RYR2: variants seen among roughly 807,000 people sequenced by gnomAD.
RYR2 encodes the protein cardiac muscle ryanodine receptor-calcium release channel.
Under a neutral mutation model 601.1 loss-of-function variants are expected in RYR2, and 227 were observed. The observed-to-expected ratio is 0.38, with a 90% confidence interval of 0.34 to 0.42. The LOEUF (loss-of-function observed/expected upper bound fraction) is 0.42, where lower values mean the gene tolerates loss of function less well. RYR2 is among the 10% of genes least tolerant of loss of function. The pLI is 1.00. For synonymous variants in RYR2, 2,223 were observed against 2,175.1 expected (o/e 1.02, Z -0.61); for missense variants, 4,646 against 6,156.5 (o/e 0.75, Z 8.21).
intron 1 of RYR2, among the ~76,000 whole-genome samples, chr1:237,087,264 G>A (rs1309837387): frequency 6.6e-6 from 1 of 152,034 alleles, no homozygotes; most frequent in Non-Finnish European, 1.5e-5. Flanking sequence ...ACTGGGCTTG[G>A]TTTTCGTGTG....
At chr1:237,648,300 T>C (rs1264034015) in intron 48 of RYR2, 144 bp from the exon 49 acceptor site, 4 of 710,094 alleles carry the variant, frequency 5.6e-6, no homozygotes, top group Non-Finnish European at 8.7e-6. Context: ...CAAACTCCCA[T>C]AATAGCTTGA....
rs191719856 is a variant in RYR2, at chr1:237,043,452, C to A, written c.48+883C>A. Among the ~76,000 whole-genome samples, 9 of 152,324 alleles carry A rather than the reference C, an allele frequency of 5.9e-5. No homozygotes were observed. In the East Asian group the frequency reaches 1.7e-3, roughly 29 times the overall value. On this transcript the variant is annotated intron_variant, in intron 1 of 104. Coordinates refer to ENST00000366574, the MANE Select transcript of RYR2 (RefSeq NM_001035.3). ...AGGTTGGCTCCACACTAATACAATT[C>A]TTTCTCCTTAAGTACCTCTTGGCAC...
chr1:237,309,598 G>A (rs112042491), intron 2 of RYR2, among the ~76,000 whole-genome samples: 29 of 152,348 alleles, frequency 1.9e-4, no homozygotes, highest in East Asian at 9.7e-4. Flanking sequence ...GGCCGCAGGC[G>A]GAGCTGCCAC....
chr1:237,407,627 TTTA>T (rs1471769205), intron 10 of RYR2, among the ~76,000 whole-genome samples: 1,243 of 115,850 alleles, frequency 0.011, 28 homozygotes, highest in African/African-American at 0.035. Flanking sequence ...TTTTTTTTTT[TTTA>T]AATTGAGACG....
chr1:237,638,628 C>A, intron 45 of RYR2, 136 bp downstream of exon 45: 1 of 933,180 alleles, frequency 1.1e-6, no homozygotes, highest in South Asian at 1.8e-5. Flanking sequence ...AGGGGTTTTT[C>A]ACAGTAACCA....
chr1:237,287,010 G>A (rs1290737688), intron 2 of RYR2, among the ~76,000 whole-genome samples: 2 of 152,168 alleles, frequency 1.3e-5, no homozygotes, highest in Non-Finnish European at 2.9e-5. Context: ...TTGTAGTGGT[G>A]GCTTGGTGAT....
intron 10 of RYR2, among the ~76,000 whole-genome samples, chr1:237,388,553 A>G (rs1326920818): frequency 2.0e-5 from 3 of 152,208 alleles, no homozygotes; most frequent in Admixed American, 2.0e-4. Flanking sequence ...TTTTGAAGTC[A>G]GAGTTCTCAA....
chr1:237,401,069 C>A (rs1182882202), intron 10 of RYR2, among the ~76,000 whole-genome samples: 1 of 152,162 alleles, frequency 6.6e-6, no homozygotes, highest in Non-Finnish European at 1.5e-5. Context: ...TATTAATTGC[C>A]ATTTGGGATT....
At chr1:237,318,594 T>G (rs1695323499) in intron 2 of RYR2, among the ~76,000 whole-genome samples, 1 of 152,202 alleles carries the variant, frequency 6.6e-6, no homozygotes, top group South Asian at 2.1e-4. Flanking sequence ...GATTCTTGAT[T>G]GAAAGGTTTT....
At chr1:237,157,163 G>A (rs535810581) in intron 1 of RYR2, among the ~76,000 whole-genome samples, 86 of 151,984 alleles carry the variant, frequency 5.7e-4, no homozygotes, top group African/African-American at 1.9e-3. Context: ...GGGTGTGGTG[G>A]TGTGTACCTG....
chr1:237,513,260 A>G lies in RYR2; in HGVS notation c.2822+1469A>G, dbSNP rs1319608909. 1.3e-5 allele frequency among the ~76,000 whole-genome samples: 2 copies of G among 152,202 alleles called. 1 individual carries two copies. Among genetic ancestry groups the G allele is most frequent in the Non-Finnish European group, 2.9e-5 (2 of 68,040 alleles). On this transcript the variant is annotated intron_variant, in intron 24 of 104. Coordinates refer to ENST00000366574, the MANE Select transcript of RYR2 (RefSeq NM_001035.3). ...AAAAGTAAAGAGAATATTTTTGCAA[A>G]GCCAGTAACTTTACTCTTGTCCTCC... is the stretch of plus-strand genomic sequence containing the variant.
At chr1:237,421,231 T>C (rs1705538303) in intron 11 of RYR2, among the ~76,000 whole-genome samples, 1 of 152,190 alleles carries the variant, frequency 6.6e-6, no homozygotes, top group African/African-American at 2.4e-5. Flanking sequence ...AGAGCGAGAC[T>C]CCGTCTCAAA....
chr1:237,627,864 T>C lies in RYR2; in HGVS notation c.6224T>C (p.Ile2075Thr), dbSNP rs768147116. ...TMVRWAQESV[I>T]EDPELVRAMF... Reference sequence around the variant, plus strand: ...GTCCGATGGGCTCAGGAGTCTGTCATTGAAGACCCCGAGCTGGTGAGGGCC... The same window carrying C: ...GTCCGATGGGCTCAGGAGTCTGTCACTGAAGACCCCGAGCTGGTGAGGGCC... Residue 2075 changes from isoleucine (I) to threonine (T), a missense_variant, in exon 41 of 105, where the codon ATT (isoleucine) becomes ACT (threonine). This residue lies in a region of RYR2 where 170 missense variants were observed against 184.5 expected (regional missense o/e 0.92). Transcript: ENST00000366574. 7 of 1,613,544 alleles carry C rather than the reference T, an allele frequency of 4.3e-6. No homozygotes were observed. Among genetic ancestry groups the C allele is most frequent in the Middle Eastern group, 1.6e-4 (1 of 6,084 alleles).
intron 92 of RYR2, among the ~76,000 whole-genome samples, chr1:237,789,504 T>TTAGG: frequency 1.4e-5 from 1 of 73,622 alleles, no homozygotes; most frequent in East Asian, 1.4e-3. Context: ...CATAATGGCT[T>TTAGG]CCATGGCTGC....
At chr1:237,551,456 G>A (rs1192483457) in intron 27 of RYR2, among the ~76,000 whole-genome samples, 13 of 150,784 alleles carry the variant, frequency 8.6e-5, no homozygotes, top group East Asian at 2.0e-4. Context: ...GTGTGAACCC[G>A]GGAGGCAGAG....
chr1:237,727,056 G>A (rs759539681), intron 75 of RYR2, 31 bp from the exon 76 acceptor site: 16 of 1,094,734 alleles, frequency 1.5e-5, no homozygotes, highest in African/African-American at 6.1e-5. Flanking sequence ...AGTTTGGGGT[G>A]TAAATATTTA....
At chr1:237,132,892 A>T (rs919190209) in intron 1 of RYR2, among the ~76,000 whole-genome samples, 1 of 152,170 alleles carries the variant, frequency 6.6e-6, no homozygotes, top group African/African-American at 2.4e-5. Context: ...GAAATGTCAC[A>T]TGATTCTCAC....
Position 237,639,211 on chromosome 1 carries a change from A to G in RYR2, c.7115+10A>G, listed in dbSNP as rs1553264024. On this transcript the variant is annotated intron_variant, in intron 46 of 104. Coordinates refer to ENST00000366574, the MANE Select transcript of RYR2 (RefSeq NM_001035.3). ...GATCCAGTAAAACACTGTAGGTCTAATATACACACCCTCACGAGTGATCCA... is the reference window on the plus strand; with the variant it reads ...GATCCAGTAAAACACTGTAGGTCTAGTATACACACCCTCACGAGTGATCCA... 6.2e-7 allele frequency: 1 copy of G among 1,605,746 alleles called. No individual in the cohort carries two copies. Among genetic ancestry groups the G allele is most frequent in the African/African-American group, 1.3e-5 (1 of 74,828 alleles).
intron 79 of RYR2, among the ~76,000 whole-genome samples, chr1:237,736,461 CAA>C (rs56178537): frequency 4.8e-4 from 62 of 129,606 alleles, no homozygotes; most frequent in East Asian, 1.8e-3. Context: ...GAGTCCGTTT[CAA>C]AAAAAAAAAA....
Sources: gnomAD v4.1 joint callset for allele counts (sites outside exome capture counted in the v4.1 genomes callset) on GRCh38, gnomAD v4.1.1 for gene constraint, gnomAD v4.1.1 regional missense constraint, MANE v1.5 for transcripts, NCBI Gene and HGNC (gene_info 2026-07-23, HGNC 2026-07-21) for gene names.